The following MRTFA variants were observed in gnomAD, a reference collection of about 807,000 sequenced individuals.
MRTFA encodes myocardin-related transcription factor A.
MRTFA carries 20 observed loss-of-function variants against 83.5 expected under a neutral mutation model. The observed-to-expected ratio is 0.24, with a 90% CI of 0.17 to 0.35. MRTFA has a LOEUF of 0.35. Among genes scored for constraint, MRTFA ranks in the 10% least tolerant of loss-of-function variants. The probability of loss-of-function intolerance (pLI) is 1.00; values close to 1 mark genes in which losing one functional copy is unlikely to be tolerated. For missense variants in MRTFA, 1,200 were observed against 1,224.7 expected (o/e 0.98, Z 0.30); for synonymous variants, 659 against 541.2 (o/e 1.22, Z -3.02).
intron 3 of MRTFA, among the ~76,000 whole-genome samples, chr22:40,549,836 G>A (rs1305730416): frequency 1.3e-5 from 2 of 152,298 alleles, no homozygotes; most frequent in East Asian, 3.9e-4. Context: ...CAGATCACCT[G>A]AGGCCAGGAG....
chr22:40,614,332 G>A (rs1269413498), intron 1 of MRTFA, among the ~76,000 whole-genome samples: 6 of 151,410 alleles, frequency 4.0e-5, no homozygotes, highest in African/African-American at 1.5e-4. Flanking sequence ...GATCACTTGA[G>A]CCACAGAGGT....
At chr22:40,583,275 A>G in intron 2 of MRTFA, among the ~76,000 whole-genome samples, 1 of 152,294 alleles carries the variant, frequency 6.6e-6, no homozygotes, top group Non-Finnish European at 1.5e-5. Context: ...TAATGAAACC[A>G]TAGCTCCCTA....
intron 1 of MRTFA, among the ~76,000 whole-genome samples, chr22:40,599,674 G>A (rs767291570): frequency 6.6e-5 from 10 of 152,004 alleles, no homozygotes; most frequent in Admixed American, 2.0e-4. Flanking sequence ...AGAAGCGAGC[G>A]GACTGCTTGA....
At chr22:40,463,541 G>C in intron 3 of MRTFA, 1 of 388,812 alleles carries the variant, frequency 2.6e-6, no homozygotes, top group Non-Finnish European at 4.7e-6. Context: ...TCAGAGTCTT[G>C]CCTTTTGCTC....
Position 40,420,891 on chromosome 22 carries a change from C to G in MRTFA, c.1137G>C (p.Gln379His). The change falls in exon 10 of 15, where the codon CAG becomes CAC. Residue 379 changes from glutamine (Q) to histidine (H), a missense_variant. Physicochemically the swap from Gln to His is conservative, Grantham distance 24. This residue lies in a region of MRTFA where 1,107 missense variants were observed against 1,041.8 expected (regional missense o/e 1.06). Coordinates refer to ENST00000355630, the MANE Select transcript of MRTFA (RefSeq NM_020831.6). ...TGGCCTGGTAGTTGTGGTGCTGCTG[C>G]TGCTGCTGGTTGAGGATCTGCAGCT... 1 of 1,614,158 alleles carries G rather than the reference C, an allele frequency of 6.2e-7. No individual in the cohort carries two copies. Among genetic ancestry groups the G allele is most frequent in the Non-Finnish European group, 8.5e-7 (1 of 1,180,028 alleles).
intron 3 of MRTFA, among the ~76,000 whole-genome samples, chr22:40,466,295 T>A (rs951314980): frequency 3.2e-4 from 49 of 152,312 alleles, no homozygotes; most frequent in African/African-American, 1.1e-3. Flanking sequence ...TAAGTGACTG[T>A]CATGCTTTTA....
Position 40,429,674 on chromosome 22 carries a change from G to A in MRTFA, c.533C>T (p.Pro178Leu). The A allele has an allele frequency of 6.2e-7, 1 of 1,614,148 alleles. No individual in the cohort carries two copies. Among genetic ancestry groups the A allele is most frequent in the South Asian group, 1.1e-5 (1 of 91,082 alleles). The change falls in exon 7 of 15, where the codon CCT (proline) becomes CTT (leucine). Residue 178 changes from proline to leucine, a missense_variant. By Grantham distance (98) the Pro-to-Leu change is moderately conservative. Around this residue, in one of 2 missense-constraint regions of MRTFA, gnomAD observed 93 missense variants for 182.9 expected, o/e 0.51. Coordinates refer to ENST00000355630, the MANE Select transcript of MRTFA (RefSeq NM_020831.6). ...CTTCTCCACCAGCTCCATGGGGCCA[G>A]GCCTCTGTGCAATCTTCTCATTGAG... is the stretch of plus-strand genomic sequence containing the variant.
intron 4 of MRTFA, among the ~76,000 whole-genome samples, chr22:40,445,528 T>C (rs763712394): frequency 6.6e-6 from 1 of 150,918 alleles, no homozygotes; most frequent in African/African-American, 2.4e-5. Flanking sequence ...AGCCAAGGGG[T>C]TTTTTTTTGT....
chr22:40,599,016 A>AAC (rs1046246469), intron 1 of MRTFA, among the ~76,000 whole-genome samples: 15 of 141,590 alleles, frequency 1.1e-4, no homozygotes, highest in South Asian at 2.3e-4. Flanking sequence ...AAAAAAAAAA[A>AAC]CCTGGGCGTG....
chr22:40,419,167 G>C lies in MRTFA; in HGVS notation c.1571C>G (p.Ala524Gly), dbSNP rs2147069242. ...CACCACCTCAGCTGGAGCCAGGCCT[G>C]CTGCCACCAGGGCTGGCCCCGTGCT... Residue 524 changes from alanine to glycine, a missense_variant, in exon 12 of 15, where the codon GCA becomes GGA. Ala to Gly is a moderately conservative substitution (Grantham distance 60, BLOSUM62 0). Around this residue, in one of 2 missense-constraint regions of MRTFA, gnomAD observed 1,107 missense variants for 1,041.8 expected, o/e 1.06. Transcript: ENST00000355630. 5 of 1,584,292 alleles carry C rather than the reference G, an allele frequency of 3.2e-6. No homozygotes were observed. The highest frequency in any genetic ancestry group is 4.3e-6 in the Non-Finnish European group (5 of 1,165,124).
At chr22:40,472,550 A>ATTTC (rs1365043919) in intron 3 of MRTFA, among the ~76,000 whole-genome samples, 18 of 152,216 alleles carry the variant, frequency 1.2e-4, no homozygotes, top group Admixed American at 1.1e-3. Flanking sequence ...TTTCACATTG[A>ATTTC]AAAACTTAAG....
At chr22:40,470,231 T>TATATA (rs2053877102) in intron 3 of MRTFA, among the ~76,000 whole-genome samples, 7 of 45,650 alleles carry the variant, frequency 1.5e-4, no homozygotes, top group Admixed American at 1.2e-3. Context: ...CTCCAAAATT[T>TATATA]TATATATATA....
At chr22:40,589,614 T>C (rs2056088597) in intron 2 of MRTFA, among the ~76,000 whole-genome samples, 1 of 152,212 alleles carries the variant, frequency 6.6e-6, no homozygotes, top group South Asian at 2.1e-4. Context: ...TACATGCTAA[T>C]AATGTCTACT....
At chr22:40,587,755 AC>A in intron 2 of MRTFA, 1 of 335,640 alleles carries the variant, frequency 3.0e-6, no homozygotes, top group South Asian at 3.9e-5. Context: ...AGTGAGTCCC[AC>A]CACCTCAAAC....
At chr22:40,482,124 G>C (rs1205587333) in intron 3 of MRTFA, among the ~76,000 whole-genome samples, 1 of 151,902 alleles carries the variant, frequency 6.6e-6, no homozygotes, top group African/African-American at 2.4e-5. Flanking sequence ...TTGTCACTGG[G>C]TAGAAGTACT....
intron 7 of MRTFA, 80 bp downstream of exon 7, chr22:40,429,526 C>A (rs1190096895): frequency 6.5e-7 from 1 of 1,545,668 alleles, no homozygotes; most frequent in East Asian, 2.3e-5. Context: ...GAGCCTCAGC[C>A]CAATTCTGCT....
At chr22:40,577,241 A>T (rs1475229533) in intron 2 of MRTFA, among the ~76,000 whole-genome samples, 3 of 149,370 alleles carry the variant, frequency 2.0e-5, no homozygotes, top group Admixed American at 2.0e-4. Flanking sequence ...TGTCTAAAAA[A>T]AAAAAAAAAA....
chr22:40,621,182 TA>T (rs764914497), intron 1 of MRTFA, among the ~76,000 whole-genome samples: 1,380 of 132,790 alleles, frequency 0.01, 7 homozygotes, highest in African/African-American at 0.018. Context: ...ACTCTGTCTT[TA>T]AAAAAAAAAA....
At chr22:40,615,762 G>A (rs1213787273) in intron 1 of MRTFA, among the ~76,000 whole-genome samples, 2 of 149,204 alleles carry the variant, frequency 1.3e-5, no homozygotes, top group Non-Finnish European at 3.0e-5. Context: ...TCAGCTCACT[G>A]CAACCTCTGT....
Sources: allele counts gnomAD v4.1 joint callset (sites outside exome capture counted in the v4.1 genomes callset), GRCh38; gene constraint gnomAD v4.1.1; regional missense constraint gnomAD v4.1.1; transcripts MANE v1.5; gene names NCBI Gene and HGNC (gene_info 2026-07-23, HGNC 2026-07-21).